The following ADAMTS5 variants were observed in gnomAD, a reference collection of about 807,000 sequenced individuals.
ADAMTS5 encodes A disintegrin and metalloproteinase with thrombospondin motifs 5.
A neutral mutation model predicts 81.4 loss-of-function variants in ADAMTS5; 54 were observed. The ratio of observed to expected loss-of-function variants is 0.66; its 90% CI spans 0.53 to 0.83. The LOEUF (loss-of-function observed/expected upper bound fraction) is 0.83. Among genes scored for constraint, ADAMTS5 ranks in the 40% least tolerant of loss-of-function variants. The pLI, the probability that ADAMTS5 is intolerant of heterozygous loss-of-function variation, is 0.00. For synonymous variants in ADAMTS5, 532 were observed against 508.8 expected (o/e 1.05, Z -0.61); for missense variants, 1,194 against 1,229.9 (o/e 0.97, Z 0.44).
chr21:26,934,436 C>G, intron 4 of ADAMTS5, 30 bp downstream of exon 4: 1 of 1,611,024 alleles, frequency 6.2e-7, no homozygotes, highest in Non-Finnish European at 8.5e-7. Flanking sequence ...CTTGGGCCTC[C>G]AGGCATTGAC....
rs1986682630 is a variant in ADAMTS5 at position 26,920,974 on chromosome 21, A to AT, written c.*3078dup. ...ACAAAAGCAACCAGTGCTGTATATT[A>AT]TGTAAACTCACAAAGTGTAAAAGTG... On this transcript the variant is annotated 3_prime_UTR_variant, in exon 8 of 8. Coordinates refer to ENST00000284987, the MANE Select transcript of ADAMTS5 (RefSeq NM_007038.5). 1.3e-5 allele frequency: 2 copies of AT among 152,604 alleles called. No homozygotes were observed. Among genetic ancestry groups the AT allele is most frequent in the Admixed American group, 1.3e-4 (2 of 15,268 alleles). The allele number at this position is 152,604 out of a possible 1,614,324, so 9.5% of individuals were successfully genotyped here.
Position 26,930,102 on chromosome 21 carries a change from A to C in ADAMTS5, c.2050-41T>G, listed in dbSNP as rs772122655. ...TGCATTAGGAGTGGGAAATGTTTGC[A>C]TCAGTATTTGCTCCTTTGGTCAACT... On this transcript the variant is annotated intron_variant, in intron 6 of 7. Transcript: ENST00000284987. The C allele has an allele frequency of 2.5e-6, 4 of 1,600,146 alleles. No homozygotes were observed. The East Asian group carries it at 9.0e-5, about 36-fold the overall frequency.
At chr21:26,925,000 A>T (rs1163223610) in intron 7 of ADAMTS5, among the ~76,000 whole-genome samples, 1 of 152,200 alleles carries the variant, frequency 6.6e-6, no homozygotes, top group Non-Finnish European at 1.5e-5. Context: ...TTAAACACAA[A>T]CTGACAAAAA....
chr21:26,928,655 GTCTTTCTTTCTCTTTCTT>G, intron 7 of ADAMTS5, among the ~76,000 whole-genome samples: 1 of 138,344 alleles, frequency 7.2e-6, no homozygotes, highest in Admixed American at 7.3e-5. Context: ...TCTTTCCTTT[GTCTTTCTTTCTCTTTCTT>G]TCTTTCTTTT....
intron 5 of ADAMTS5, 131 bp downstream of exon 5, chr21:26,932,730 A>G (rs1986935470): frequency 2.0e-6 from 2 of 1,010,676 alleles, no homozygotes; most frequent in Non-Finnish European, 2.7e-6. Flanking sequence ...GGTGTTTGTT[A>G]TTGATCTGCA....
At chr21:26,958,408 T>C (rs923863092) in intron 1 of ADAMTS5, among the ~76,000 whole-genome samples, 1 of 152,114 alleles carries the variant, frequency 6.6e-6, no homozygotes, top group South Asian at 2.1e-4. Context: ...GTGGATCTGA[T>C]TCTTGATTCT....
intron 4 of ADAMTS5, 76 bp from the exon 5 acceptor site, chr21:26,933,120 C>T: frequency 7.0e-7 from 1 of 1,420,402 alleles, no homozygotes; most frequent in East Asian, 2.5e-5. Flanking sequence ...AAATCACCTG[C>T]ATTTAATGAC....
chr21:26,966,013 G>C lies in ADAMTS5; in HGVS notation c.379C>G (p.Arg127Gly). 2.5e-6 allele frequency: 4 copies of C among 1,612,994 alleles called. No homozygotes were observed. Among genetic ancestry groups the C allele is most frequent in the Non-Finnish European group, 3.4e-6 (4 of 1,179,826 alleles). Residue 127 changes from arginine to glycine, a missense_variant, in exon 1 of 8, where the codon CGG (arginine) becomes GGG (glycine). Around this residue, in one of 2 missense-constraint regions of ADAMTS5, gnomAD observed 498 missense variants for 412.3 expected, o/e 1.21. Coordinates refer to ENST00000284987, the MANE Select transcript of ADAMTS5 (RefSeq NM_007038.5). Reference sequence around the variant, plus strand: ...GTGCCCCGATAGAAGCAGTGGCTCCGGTGGCGCCAGGGCGCACTCGTCCCG... The same window carrying C: ...GTGCCCCGATAGAAGCAGTGGCTCCCGTGGCGCCAGGGCGCACTCGTCCCG... The part of the protein sequence containing the change: ...GGGTSAPWRH[R>G]SHCFYRGTVD...
At chr21:26,926,116 A>G (rs1456537874) in intron 7 of ADAMTS5, among the ~76,000 whole-genome samples, 1 of 151,686 alleles carries the variant, frequency 6.6e-6, no homozygotes, top group Non-Finnish European at 1.5e-5. Flanking sequence ...ACAAAAAGTA[A>G]AAGAGTTAGC....
intron 3 of ADAMTS5, among the ~76,000 whole-genome samples, chr21:26,942,066 C>A (rs1366979209): frequency 2.0e-5 from 3 of 151,858 alleles, no homozygotes; most frequent in Non-Finnish European, 4.4e-5. Context: ...ATATTTTAAA[C>A]CAAGCTGGAC....
Position 26,966,475 on chromosome 21 carries a change from T to G in ADAMTS5, c.-84A>C. On this transcript the variant is annotated 5_prime_UTR_variant, in exon 1 of 8. Transcript: ENST00000284987. ...GCTATGAAGTTAACGGGGCGGGGGA[T>G]GGGGACACACACACACTTGCTTGCA... is the stretch of plus-strand genomic sequence containing the variant. 7.8e-7 allele frequency: 1 copy of G among 1,282,586 alleles called. No homozygotes were observed. The highest frequency in any genetic ancestry group is 1.8e-5 in the South Asian group (1 of 55,280). The allele number at this position is 1,282,586 out of a possible 1,614,324, so 79.5% of individuals were successfully genotyped here.
intron 3 of ADAMTS5, among the ~76,000 whole-genome samples, 197 bp from the exon 4 acceptor site, chr21:26,934,946 T>C (rs1986987460): frequency 1.3e-5 from 2 of 152,120 alleles, no homozygotes; most frequent in Admixed American, 1.3e-4. Flanking sequence ...TCCAGGGTTC[T>C]CAGGAGTGAT....
intron 2 of ADAMTS5, among the ~76,000 whole-genome samples, chr21:26,953,670 G>A (rs1177530815): frequency 6.6e-6 from 1 of 151,988 alleles, no homozygotes; most frequent in Non-Finnish European, 1.5e-5. Context: ...TGCTATAGAT[G>A]GCAAAAGGTA....
chr21:26,931,372 T>C (rs1480761018), intron 6 of ADAMTS5, among the ~76,000 whole-genome samples: 4 of 152,158 alleles, frequency 2.6e-5, no homozygotes, highest in African/African-American at 9.7e-5. Flanking sequence ...TAGCAACTGT[T>C]TACAAATTTG....
chr21:26,924,659 G>A, intron 7 of ADAMTS5, 39 bp from the exon 8 acceptor site: 2 of 1,495,944 alleles, frequency 1.3e-6, no homozygotes, highest in East Asian at 2.3e-5. Context: ...GGGGAAGGTG[G>A]TTAAAAAAAG....
chr21:26,939,060 C>A (rs1046822509), intron 3 of ADAMTS5, among the ~76,000 whole-genome samples: 3 of 152,164 alleles, frequency 2.0e-5, no homozygotes, highest in African/African-American at 7.2e-5. Context: ...ACTGCCCTTG[C>A]CCCTCAGCTT....
At chr21:26,959,287 C>T (rs1299207460) in intron 1 of ADAMTS5, among the ~76,000 whole-genome samples, 1 of 152,084 alleles carries the variant, frequency 6.6e-6, no homozygotes, top group African/African-American at 2.4e-5. Flanking sequence ...GACAAAGTTC[C>T]CTCATCATTA....
intron 4 of ADAMTS5, among the ~76,000 whole-genome samples, chr21:26,933,562 C>T (rs954578888): frequency 1.3e-5 from 2 of 152,192 alleles, no homozygotes; most frequent in Admixed American, 6.5e-5. Flanking sequence ...ATAAATGTAC[C>T]GGACCCAACT....
rs1236935589 is a variant in ADAMTS5 at position 26,932,096 on chromosome 21, C to A, written c.1957G>T (p.Val653Phe). 1.9e-6 allele frequency: 3 copies of A among 1,614,056 alleles called. No homozygotes were observed. The highest frequency in any genetic ancestry group is 2.7e-5 in the African/African-American group (2 of 74,926). ...AKGVKTFVEW[V>F]PKYAGVLPAD... ...GGCAGGACACCTGCATATTTGGGAA[C>A]CCATTCCACAAAAGTTTTGACTCCT... Residue 653 changes from valine (V) to phenylalanine (F), a missense_variant, in exon 6 of 8, where the codon GTT becomes TTT. Val to Phe is a conservative substitution (Grantham distance 50). Around this residue, in one of 2 missense-constraint regions of ADAMTS5, gnomAD observed 696 missense variants for 817.6 expected, o/e 0.85. Transcript: ENST00000284987.
Sources: allele counts gnomAD v4.1 joint callset (sites outside exome capture counted in the v4.1 genomes callset), GRCh38; gene constraint gnomAD v4.1.1; regional missense constraint gnomAD v4.1.1; transcripts MANE v1.5; gene names NCBI Gene and HGNC (gene_info 2026-07-23, HGNC 2026-07-21).